The following TRABD variants were observed in gnomAD, a reference collection of about 807,000 sequenced individuals.
TRABD encodes the protein traB domain-containing protein.
In TRABD, 23 loss-of-function variants were observed where a neutral mutation model predicts 39.6. That is an observed-to-expected ratio of 0.58 (90% confidence interval 0.42 to 0.82). The LOEUF (loss-of-function observed/expected upper bound fraction) is 0.82. Ranked by LOEUF, TRABD falls within the 40% of genes least tolerant of loss-of-function variation. The pLI, the probability that TRABD is intolerant of heterozygous loss-of-function variation, is 0.00. For missense variants in TRABD, 487 were observed against 544.9 expected (o/e 0.89, Z 1.06); for synonymous variants, 243 against 232.1 (o/e 1.05, Z -0.43).
intron 5 of TRABD, among the ~76,000 whole-genome samples, chr22:50,196,444 C>T (rs901525651): frequency 1.3e-5 from 2 of 152,246 alleles, no homozygotes; most frequent in African/African-American, 4.8e-5. Flanking sequence ...CTTTGCTGCC[C>T]TTCTGTGGGC....
chr22:50,186,017 G>A (rs1461257347), intron 1 of TRABD, 41 bp downstream of exon 1: 3 of 143,678 alleles, frequency 2.1e-5, no homozygotes, highest in African/African-American at 7.6e-5. Context: ...TGAGGACGGG[G>A]CCCAGCACCG....
rs372480535 is a variant in TRABD, at chr22:50,198,143, G to A, written c.913G>A (p.Glu305Lys). The A allele has an allele frequency of 1.1e-5, 17 of 1,612,472 alleles. No homozygotes were observed. The highest frequency in any genetic ancestry group is 2.2e-5 in the East Asian group (1 of 44,816). ...GGGCATGGGCCACGTGCCTGGCATC[G>A]AGAAGAACTGGAGCACCGACCTCAA... ...VVGMGHVPGI[E>K]KNWSTDLNIQ... Residue 305 changes from glutamate (E) to lysine (K), a missense_variant, in exon 9 of 10, where the codon GAG becomes AAG. This residue lies in a region of TRABD where 123 missense variants were observed against 108.3 expected (regional missense o/e 1.14). Transcript: ENST00000380909. The surrounding 1 kb of genome is among the most constrained non-coding windows in gnomAD (Gnocchi z 7.9).
At chr22:50,196,854 C>G (rs971420000) in intron 5 of TRABD, 3 of 171,178 alleles carry the variant, frequency 1.8e-5, no homozygotes, top group Non-Finnish European at 3.8e-5. Flanking sequence ...GCCAGCACAC[C>G]CGGCTAATTT....
chr22:50,198,764 A>G lies in TRABD; in HGVS notation c.*245A>G, dbSNP rs3747941. ...TCCCACACTGCAGGGGCCGTTCCCC[A>G]GCTTCTGGACAAGACACCCAGCTCC... On this transcript the variant is annotated 3_prime_UTR_variant, in exon 10 of 10. Transcript: ENST00000380909. The surrounding 1 kb of genome is among the most constrained non-coding windows in gnomAD (Gnocchi z 7.9). The G allele has an allele frequency of 0.83, 447,444 of 535,884 alleles. 187,837 individuals carry two copies. Among genetic ancestry groups the G allele is most frequent in the African/African-American group, 0.95 (48,849 of 51,302 alleles). 33.2% of individuals were successfully genotyped at this position (535,884 alleles called of 1,614,324 possible). A position where few individuals can be genotyped will look rare whatever the true frequency, so the allele number is the denominator to read the frequency against.
chr22:50,197,941 A>T lies in TRABD; in HGVS notation c.790A>T (p.Thr264Ser). 6.2e-7 allele frequency: 1 copy of T among 1,612,628 alleles called. No individual in the cohort carries two copies. Among genetic ancestry groups the T allele is most frequent in the East Asian group, 2.2e-5 (1 of 44,838 alleles). Residue 264 changes from threonine (T) to serine (S), a missense_variant, in exon 8 of 10, where the codon ACC becomes TCC. Thr to Ser is a moderately conservative substitution (Grantham distance 58). Around this residue, in one of 3 missense-constraint regions of TRABD, gnomAD observed 358 missense variants for 414.7 expected, o/e 0.86. Transcript: ENST00000380909. ...TIVSERDVYL[T>S]YMLRQAARRL... Reference sequence around the variant, plus strand: ...CGTCTCGGAGCGCGACGTCTACCTAACCTACATGCTGCGCCAGGCCGCGCG... The same window carrying T: ...CGTCTCGGAGCGCGACGTCTACCTATCCTACATGCTGCGCCAGGCCGCGCG...
At chr22:50,197,763 A>AGCCCCCCCCCCCCCCCCCCCAG in intron 7 of TRABD, 60 bp from the exon 8 acceptor site, 10 of 1,439,750 alleles carry the variant, frequency 6.9e-6, no homozygotes, top group Non-Finnish European at 8.7e-6. Context: ...CCACAGTGCC[A>AGCCCCCCCCCCCCCCCCCCCAG]GCCCCACCCC....
At chr22:50,191,196 GGCAGGGTGGGCTGC>G (rs1341053209) in intron 1 of TRABD, among the ~76,000 whole-genome samples, 5 of 152,184 alleles carry the variant, frequency 3.3e-5, no homozygotes, top group Admixed American at 2.6e-4. Flanking sequence ...CCAAGAAGAG[GGCAGGGTGGGCTGC>G]CCTCTTCTCG....
chr22:50,193,470 G>A, intron 2 of TRABD, 106 bp from the exon 3 acceptor site: 1 of 1,086,230 alleles, frequency 9.2e-7, no homozygotes, highest in Non-Finnish European at 1.4e-6. Context: ...GGTCCACACA[G>A]CGGCCACGGG....
At chr22:50,197,766 C>CCCCCCCCCCCCCCCCGGG in intron 7 of TRABD, 57 bp from the exon 8 acceptor site, 1 of 925,780 alleles carries the variant, frequency 1.1e-6, no homozygotes, top group Non-Finnish European at 1.7e-6. Context: ...CAGTGCCAGC[C>CCCCCCCCCCCCCCCCGGG]CCACCCCCCC....
In TRABD at chr22:50,198,703, A is replaced by C. The variant is rs2064219677; in HGVS notation, c.*184A>C. The C allele has an allele frequency of 1.6e-5, 10 of 614,526 alleles. No homozygotes were observed. In the South Asian group the frequency reaches 2.2e-4, roughly 14 times the overall value. 38.1% of individuals were successfully genotyped at this position (614,526 alleles called of 1,614,324 possible). A position where few individuals can be genotyped will look rare whatever the true frequency, so the allele number is the denominator to read the frequency against. ...GCCCACCCAAATAAAGGATTATTTAACTGTCTGAGCTCAGGCCTCCCGGCA... is the reference window on the plus strand; with the variant it reads ...GCCCACCCAAATAAAGGATTATTTACCTGTCTGAGCTCAGGCCTCCCGGCA... On this transcript the variant is annotated 3_prime_UTR_variant, in exon 10 of 10. Coordinates refer to ENST00000380909, the MANE Select transcript of TRABD (RefSeq NM_001320485.2). This position sits in a 1 kb window ranked among gnomAD's most constrained non-coding sequence, Gnocchi z 7.9.
rs776349218 is a variant in TRABD at position 50,197,832 on chromosome 22, C to T, written c.681C>T (p.Asp227=). ...CFLSDPISKD[D]VERCKQKDLL... is the part of the protein sequence containing the mutation. ...CCATCCCTCTCCACAGCAAGGATGA[C>T]GTGGAACGCTGCAAGCAGAAGGACC... Residue 227 remains aspartate (D), a synonymous_variant, in exon 8 of 10, where the codon GAC becomes GAT. Coordinates refer to ENST00000380909, the MANE Select transcript of TRABD (RefSeq NM_001320485.2). The T allele has an allele frequency of 3.0e-5, 44 of 1,466,636 alleles. No individual in the cohort carries two copies. In the Admixed American group the frequency reaches 3.1e-4, roughly 10 times the overall value. 90.9% of individuals were successfully genotyped at this position (1,466,636 alleles called of 1,614,324 possible).
At chr22:50,192,935 G>A (rs758513948) in intron 1 of TRABD, 92 bp from the exon 2 acceptor site, 26 of 1,224,970 alleles carry the variant, frequency 2.1e-5, no homozygotes, top group Non-Finnish European at 2.4e-5. Flanking sequence ...CCACCCAACA[G>A]ATGGTTCTAG....
At chr22:50,197,763 A>AGCG in intron 7 of TRABD, 60 bp from the exon 8 acceptor site, 1 of 1,439,782 alleles carries the variant, frequency 6.9e-7, no homozygotes, top group Non-Finnish European at 9.7e-7. Context: ...CCACAGTGCC[A>AGCG]GCCCCACCCC....
At position 50,198,310 on chromosome 22, in the gene TRABD, C is replaced by G; in HGVS notation, c.957-35C>G. ...GGGGGCTGGGGTATGGGGAGCCCAC[C>G]CCCAGCCAGGCCCAGCGCCCCCTCC... On this transcript the variant is annotated intron_variant, in intron 9 of 9. Transcript: ENST00000380909. The surrounding 1 kb of genome is among the most constrained non-coding windows in gnomAD (Gnocchi z 7.9). 1.3e-6 allele frequency: 2 copies of G among 1,529,040 alleles called. No homozygotes were observed. Among genetic ancestry groups the G allele is most frequent in the Non-Finnish European group, 1.8e-6 (2 of 1,131,708 alleles). The allele number at this position is 1,529,040 out of a possible 1,614,324, so 94.7% of individuals were successfully genotyped here.
At chr22:50,192,964 A>G (rs2147107647) in intron 1 of TRABD, 63 bp from the exon 2 acceptor site, 1 of 1,435,630 alleles carries the variant, frequency 7.0e-7, no homozygotes, top group South Asian at 1.2e-5. Context: ...GGCACTACGC[A>G]GTGAGTCCTG....
Position 50,197,227 on chromosome 22 carries a change from C to G in TRABD, c.421-14C>G. The G allele has an allele frequency of 6.2e-7, 1 of 1,611,932 alleles. No individual in the cohort carries two copies. Among genetic ancestry groups the G allele is most frequent in the Non-Finnish European group, 8.5e-7 (1 of 1,179,198 alleles). ...CCCGCCCCTCCAGCTGATGCCTGCT[C>G]CCTCTCTCTGCAGAACGGGCTCATG... On this transcript the variant is annotated splice_polypyrimidine_tract_variant and intron_variant, in intron 5 of 9. Coordinates refer to ENST00000380909, the MANE Select transcript of TRABD (RefSeq NM_001320485.2).
Position 50,198,367 on chromosome 22 carries a change from G to T in TRABD, c.979G>T (p.Gly327Cys), listed in dbSNP as rs749798446. The T allele has an allele frequency of 1.3e-6, 2 of 1,585,366 alleles. No individual in the cohort carries two copies. Among genetic ancestry groups the T allele is most frequent in the Admixed American group, 1.8e-5 (1 of 56,580 alleles). Reference sequence around the variant, plus strand: ...CAGCGTGCCCCCGCCGTCCGTCTCCGGCAGAGTGTCTCGGTTGGCCGTGAA... The same window carrying T: ...CAGCGTGCCCCCGCCGTCCGTCTCCTGCAGAGTGTCTCGGTTGGCCGTGAA... ...IMTVPPPSVSGRVSRLAVKAA... is the reference protein window; with the variant it reads ...IMTVPPPSVSCRVSRLAVKAA... Residue 327 changes from glycine (G) to cysteine (C), a missense_variant, in exon 10 of 10, where the codon GGC (glycine) becomes TGC (cysteine). By Grantham distance (159) the Gly-to-Cys change is radical (BLOSUM62 -3). Transcript: ENST00000380909. This position sits in a 1 kb window ranked among gnomAD's most constrained non-coding sequence, Gnocchi z 7.9.
Position 50,199,074 on chromosome 22 carries a change from T to G in TRABD, c.*555T>G, listed in dbSNP as rs1418504322. On this transcript the variant is annotated 3_prime_UTR_variant, in exon 10 of 10. Transcript: ENST00000380909. ...CAGGGATTCTGTGTTTTTGGCTTTT[T>G]TAATGTCTTAAAATCTTTTACTCAG... 1 of 714,086 alleles carries G rather than the reference T, an allele frequency of 1.4e-6. No homozygotes were observed. Among genetic ancestry groups the G allele is most frequent in the South Asian group, 1.5e-5 (1 of 67,248 alleles). The allele number at this position is 714,086 out of a possible 1,614,324, so 44.2% of individuals were successfully genotyped here.
rs768542232 is a variant in TRABD, at chr22:50,197,204, C to T, written c.421-37C>T. 173 of 1,594,360 alleles carry T rather than the reference C, an allele frequency of 1.1e-4. 1 individual carries two copies. The highest frequency in any genetic ancestry group is 1.3e-4 in the Non-Finnish European group (155 of 1,166,130). The stretch of plus-strand genomic sequence containing the variant: ...CATTCCCCCAGCGCACCCCCGCACC[C>T]GCCCCTCCAGCTGATGCCTGCTCCC... On this transcript the variant is annotated intron_variant, in intron 5 of 9. Transcript: ENST00000380909.
Sources: gnomAD v4.1 joint callset for allele counts (sites outside exome capture counted in the v4.1 genomes callset) on GRCh38, gnomAD v4.1.1 for gene constraint, gnomAD v4.1.1 regional missense constraint, Gnocchi (gnomAD v3.1) non-coding constraint, MANE v1.5 for transcripts, NCBI Gene and HGNC (gene_info 2026-07-23, HGNC 2026-07-21) for gene names.